Variants in OSBPL10 observed in about 807,000 individuals in gnomAD.
The protein encoded by OSBPL10 is oxysterol binding protein like 10.
OSBPL10 carries 49 observed loss-of-function variants against 81.7 expected under a neutral mutation model. The ratio of observed to expected loss-of-function variants is 0.60; its 90% confidence interval spans 0.48 to 0.76. OSBPL10 has a LOEUF of 0.76. Ranked by LOEUF, OSBPL10 falls within the 30% of genes least tolerant of loss-of-function variation. The pLI is 0.00. For missense variants in OSBPL10, 923 were observed against 987.8 expected (o/e 0.93, Z 0.88); for synonymous variants, 419 against 383.6 (o/e 1.09, Z -1.08).
chr3:31,998,267 G>C (rs1699110726), intron 2 of OSBPL10, among the ~76,000 whole-genome samples: 1 of 152,128 alleles, frequency 6.6e-6, no homozygotes. Flanking sequence ...CCAGATGAAA[G>C]GGAAGAAATG....
intron 4 of OSBPL10, among the ~76,000 whole-genome samples, chr3:31,756,500 G>C (rs2125712845): frequency 6.6e-6 from 1 of 152,306 alleles, no homozygotes; most frequent in East Asian, 1.9e-4. Flanking sequence ...CTGGAGATAA[G>C]TGCTGTTAAC....
chr3:31,695,538 G>T (rs958606087), intron 7 of OSBPL10, among the ~76,000 whole-genome samples: 13 of 152,154 alleles, frequency 8.5e-5, no homozygotes, highest in Non-Finnish European at 1.9e-4. Context: ...TCTATGCCAA[G>T]CAACTCTGCC....
chr3:31,798,480 G>GA (rs1463461915), intron 4 of OSBPL10, among the ~76,000 whole-genome samples: 1 of 150,994 alleles, frequency 6.6e-6, no homozygotes, highest in African/African-American at 2.4e-5. Flanking sequence ...GACTTAATAT[G>GA]AAAAAATACA....
chr3:31,780,608 TAGAA>T (rs1219624881), intron 4 of OSBPL10, among the ~76,000 whole-genome samples: 13 of 151,800 alleles, frequency 8.6e-5, no homozygotes, highest in Admixed American at 8.5e-4. Flanking sequence ...TAAGCTCAAT[TAGAA>T]AGAAAATGAG....
chr3:31,730,464 AC>A (rs1319891947), intron 6 of OSBPL10, among the ~76,000 whole-genome samples: 2 of 152,082 alleles, frequency 1.3e-5, no homozygotes, highest in African/African-American at 4.8e-5. Context: ...CACACGGAAA[AC>A]CTTTTTCTAT....
Position 32,014,661 on chromosome 3 carries a change from T to G in OSBPL10, n.298+31830A>C, listed in dbSNP as rs572842155. Among the ~76,000 whole-genome samples the G allele has an allele frequency of 9.9e-4, 151 of 152,336 alleles. 1 individual carries two copies. The highest frequency in any genetic ancestry group is 3.5e-3 in the African/African-American group (144 of 41,576). ...GGAAAAGAGGAAGTCAAATTGTCCCTGTTTGCAGATGACATGACTGTATAT... is the reference window on the plus strand; with the variant it reads ...GGAAAAGAGGAAGTCAAATTGTCCCGGTTTGCAGATGACATGACTGTATAT... On this transcript the variant is annotated intron_variant and non_coding_transcript_variant, in intron 2 of 3. Transcript: ENST00000479173.
chr3:31,764,760 T>C (rs1037903024), intron 4 of OSBPL10, among the ~76,000 whole-genome samples: 3 of 152,216 alleles, frequency 2.0e-5, no homozygotes, highest in African/African-American at 7.2e-5. Flanking sequence ...TATATATCTC[T>C]GGACACACAA....
intron 7 of OSBPL10, among the ~76,000 whole-genome samples, chr3:31,692,649 C>T (rs1227169531): frequency 6.6e-6 from 1 of 152,184 alleles, no homozygotes; most frequent in African/African-American, 2.4e-5. Context: ...CAGATTTAAA[C>T]TGTTTTTAGA....
chr3:31,837,447 GAATA>G (rs1700388684), intron 3 of OSBPL10, among the ~76,000 whole-genome samples: 1 of 135,188 alleles, frequency 7.4e-6, no homozygotes, highest in African/African-American at 2.7e-5. Context: ...TGAAAACAAG[GAATA>G]AAAAGAAATT....
chr3:31,819,692 G>A (rs140227459), intron 4 of OSBPL10, among the ~76,000 whole-genome samples: 115 of 152,288 alleles, frequency 7.6e-4, no homozygotes, highest in African/African-American at 2.7e-3. Flanking sequence ...AAATTCCCTG[G>A]GCCAGAATCA....
intron 1 of OSBPL10, among the ~76,000 whole-genome samples, chr3:31,928,506 G>A (rs1342471666): frequency 3.3e-5 from 5 of 152,110 alleles, no homozygotes; most frequent in Admixed American, 1.3e-4. Context: ...GGCGCAGAGC[G>A]GCTCCTGCCT....
chr3:31,759,988 C>T (rs1169623979), intron 4 of OSBPL10, among the ~76,000 whole-genome samples: 1 of 152,180 alleles, frequency 6.6e-6, no homozygotes, highest in African/African-American at 2.4e-5. Context: ...TCTCGAACTC[C>T]TGACCTCAAG....
chr3:31,708,660 A>C, intron 6 of OSBPL10: 10 of 907,852 alleles, frequency 1.1e-5, no homozygotes, highest in Non-Finnish European at 1.3e-5. Context: ...CTGAGGACAC[A>C]GAGATAGAAA....
intron 5 of OSBPL10, among the ~76,000 whole-genome samples, chr3:31,739,238 ATATTT>A (rs993455647): frequency 1.0e-3 from 158 of 152,308 alleles, no homozygotes; most frequent in African/African-American, 3.7e-3. Context: ...GAGGTAAATT[ATATTT>A]TAACACAATA....
chr3:31,792,858 CTCTG>C (rs1413061314), intron 4 of OSBPL10, among the ~76,000 whole-genome samples: 215 of 86,034 alleles, frequency 2.5e-3, no homozygotes, highest in South Asian at 5.1e-3. Flanking sequence ...TATCTAGGCA[CTCTG>C]TGTGTGTGTG....
intron 4 of OSBPL10, among the ~76,000 whole-genome samples, chr3:31,809,315 A>G (rs1420487669): frequency 1.3e-5 from 2 of 152,194 alleles, no homozygotes; most frequent in Admixed American, 6.5e-5. Context: ...ATCAAGTAGA[A>G]CATGTAATGG....
At position 31,981,203 on chromosome 3, in the gene OSBPL10, G is replaced by T; in HGVS notation, c.-24C>A. 1 of 1,381,032 alleles carries T rather than the reference G, an allele frequency of 7.2e-7. No homozygotes were observed. The allele number at this position is 1,381,032 out of a possible 1,614,324, so 85.5% of individuals were successfully genotyped here. A position where few individuals can be genotyped will look rare whatever the true frequency, so the allele number is the denominator to read the frequency against. ...ATGGTCCGTGGGCGCCCGGGACGCG[G>T]GTGCCCGCCGCGGTGGCGGCCCCGG... On this transcript the variant is annotated 5_prime_UTR_variant, in exon 1 of 12. Coordinates refer to ENST00000396556, the MANE Select transcript of OSBPL10 (RefSeq NM_017784.5). The surrounding 1 kb of genome is among the most constrained non-coding windows in gnomAD (Gnocchi z 4.5).
chr3:31,826,613 T>G (rs1575569514), intron 4 of OSBPL10, among the ~76,000 whole-genome samples: 2 of 152,374 alleles, frequency 1.3e-5, no homozygotes, highest in South Asian at 2.1e-4. Flanking sequence ...CCATTGCTTC[T>G]GTGGTCATAA....
chr3:31,666,207 T>C (rs1463067038), intron 10 of OSBPL10, among the ~76,000 whole-genome samples: 1 of 152,222 alleles, frequency 6.6e-6, no homozygotes, highest in Non-Finnish European at 1.5e-5. Context: ...GTGCTGGCTC[T>C]GCCTTAAGTC....
Sources: gnomAD v4.1 joint callset for allele counts (sites outside exome capture counted in the v4.1 genomes callset) on GRCh38, gnomAD v4.1.1 for gene constraint, Gnocchi (gnomAD v3.1) non-coding constraint, MANE v1.5 for transcripts, NCBI Gene and HGNC (gene_info 2026-07-23, HGNC 2026-07-21) for gene names.